Variants in RPS6KA5 observed in about 807,000 individuals in gnomAD.
RPS6KA5 encodes ribosomal protein S6 kinase alpha-5.
Under a neutral mutation model 85.5 loss-of-function variants are expected in RPS6KA5, and 27 were observed. The observed-to-expected ratio is 0.32, with a 90% CI of 0.23 to 0.44. The LOEUF is 0.44. Ranked by LOEUF, RPS6KA5 falls within the 20% of genes least tolerant of loss-of-function variation. The probability of loss-of-function intolerance (pLI) is 1.00; values close to 1 mark genes in which losing one functional copy is unlikely to be tolerated. For missense variants in RPS6KA5, 811 were observed against 980.9 expected (o/e 0.83, Z 2.31); for synonymous variants, 334 against 348.2 (o/e 0.96, Z 0.46).
intron 3 of RPS6KA5, among the ~76,000 whole-genome samples, chr14:90,977,509 G>A (rs2039618012): frequency 6.6e-6 from 1 of 152,204 alleles, no homozygotes; most frequent in East Asian, 1.9e-4. Flanking sequence ...AGGGCTGACT[G>A]ATTAGTAGCT....
Position 90,853,187 on chromosome 14 carries a change from T to C in RPS6KA5, c.*18887A>G, listed in dbSNP as rs1253820660. The C allele has an allele frequency of 6.6e-6, 1 of 152,188 alleles. No individual in the cohort carries two copies. The highest frequency in any genetic ancestry group is 1.5e-5 in the Non-Finnish European group (1 of 68,032). 9.4% of individuals were successfully genotyped at this position (152,188 alleles called of 1,614,324 possible). A position where few individuals can be genotyped will look rare whatever the true frequency, so the allele number is the denominator to read the frequency against. ...TACTTAATTTGCCCATTTCTCAACA[T>C]AGGCTTTGAAAAATTCCTCTAAATG... On this transcript the variant is annotated 3_prime_UTR_variant, in exon 17 of 17. Coordinates refer to ENST00000614987, the MANE Select transcript of RPS6KA5 (RefSeq NM_004755.4).
intron 3 of RPS6KA5, among the ~76,000 whole-genome samples, chr14:90,971,956 C>G (rs1335424032): frequency 6.6e-6 from 1 of 152,146 alleles, no homozygotes; most frequent in Non-Finnish European, 1.5e-5. Flanking sequence ...GGATATAGAA[C>G]TAATATATAA....
intron 12 of RPS6KA5, among the ~76,000 whole-genome samples, chr14:90,898,304 C>A (rs553830612): frequency 1.3e-5 from 2 of 152,242 alleles, no homozygotes; most frequent in South Asian, 4.1e-4. Context: ...AGAACCTAGA[C>A]CACACAAGAT....
chr14:90,954,091 T>C (rs1595321624), intron 3 of RPS6KA5, among the ~76,000 whole-genome samples: 1 of 152,218 alleles, frequency 6.6e-6, no homozygotes. Context: ...ATATGTGATG[T>C]CACCCCCAGA....
At chr14:90,926,124 G>A (rs1230999940) in intron 5 of RPS6KA5, among the ~76,000 whole-genome samples, 1 of 152,006 alleles carries the variant, frequency 6.6e-6, no homozygotes, top group Non-Finnish European at 1.5e-5. Flanking sequence ...TAGTAAAATT[G>A]CTGGGCATGG....
rs200183961 is a variant in RPS6KA5 at position 90,862,455 on chromosome 14, CCTTCTTCTT to C, written c.*9610_*9618del. On this transcript the variant is annotated 3_prime_UTR_variant, in exon 17 of 17. Transcript: ENST00000614987. ...TCTTCCTCCTCCTCCTCCTCCTCCT[CCTTCTTCTT>C]CTTCTTCTTCTTCTTTTTTTAATGC... 1,213 of 150,622 alleles carry C rather than the reference CCTTCTTCTT, an allele frequency of 8.1e-3. 10 individuals are homozygous for C. Among genetic ancestry groups the C allele is most frequent in the Middle Eastern group, 0.013 (5 of 372 alleles). 9.3% of individuals were successfully genotyped at this position (150,622 alleles called of 1,614,324 possible). A position where few individuals can be genotyped will look rare whatever the true frequency, so the allele number is the denominator to read the frequency against.
chr14:90,853,482 A>AT lies in RPS6KA5; in HGVS notation c.*18591dup, dbSNP rs2032111796. 6.8e-6 allele frequency: 1 copy of AT among 147,638 alleles called. No homozygotes were observed. Among genetic ancestry groups the AT allele is most frequent in the South Asian group, 2.1e-4 (1 of 4,806 alleles). 9.1% of individuals were successfully genotyped at this position (147,638 alleles called of 1,614,324 possible). A position where few individuals can be genotyped will look rare whatever the true frequency, so the allele number is the denominator to read the frequency against. ...AAGATGCATCCCTTAAGTAACAACA[A>AT]TAAAAAAAAAACCCAAAAACAAAAC... On this transcript the variant is annotated 3_prime_UTR_variant, in exon 17 of 17. Coordinates refer to ENST00000614987, the MANE Select transcript of RPS6KA5 (RefSeq NM_004755.4).
intron 2 of RPS6KA5, among the ~76,000 whole-genome samples, chr14:90,997,005 T>C (rs1283714631): frequency 3.9e-5 from 6 of 152,220 alleles, no homozygotes; most frequent in African/African-American, 7.2e-5. Flanking sequence ...AAATGGCAGA[T>C]GGCAAGAAAC....
At chr14:90,933,880 G>T (rs148651212) in intron 5 of RPS6KA5, among the ~76,000 whole-genome samples, 2,814 of 152,164 alleles carry the variant, frequency 0.018, 33 homozygotes, top group Non-Finnish European at 0.025. Context: ...CCACCTTAAA[G>T]GGCCTTAATA....
chr14:90,967,854 A>G (rs1197137096), intron 3 of RPS6KA5, among the ~76,000 whole-genome samples: 2 of 152,180 alleles, frequency 1.3e-5, no homozygotes, highest in East Asian at 3.8e-4. Flanking sequence ...CCCATTTTAA[A>G]ACACACTACC....
intron 3 of RPS6KA5, among the ~76,000 whole-genome samples, chr14:90,959,156 G>A (rs528751961): frequency 7.2e-5 from 11 of 152,250 alleles, no homozygotes; most frequent in African/African-American, 2.6e-4. Context: ...TTAGGGGGGT[G>A]GGGCAGATTG....
intron 4 of RPS6KA5, among the ~76,000 whole-genome samples, chr14:90,945,377 T>C (rs180932209): frequency 8.5e-5 from 13 of 152,360 alleles, no homozygotes; most frequent in Non-Finnish European, 1.6e-4. Flanking sequence ...TGGAGCATTA[T>C]ATGCATCTAA....
intron 1 of RPS6KA5, among the ~76,000 whole-genome samples, chr14:91,036,066 A>G (rs955193211): frequency 6.6e-6 from 1 of 150,960 alleles, no homozygotes; most frequent in Non-Finnish European, 1.5e-5. Flanking sequence ...AAGAAACAGA[A>G]AAGAGTACAC....
intron 4 of RPS6KA5, among the ~76,000 whole-genome samples, chr14:90,946,681 C>T (rs2037888491): frequency 6.6e-6 from 1 of 152,068 alleles, no homozygotes; most frequent in Non-Finnish European, 1.5e-5. Flanking sequence ...CTGAATTGTC[C>T]TAATTTAAAA....
chr14:90,973,443 C>T (rs1254672553), intron 3 of RPS6KA5, among the ~76,000 whole-genome samples: 2 of 148,404 alleles, frequency 1.3e-5, no homozygotes, highest in Non-Finnish European at 3.0e-5. Flanking sequence ...GACTCCATCT[C>T]GAAAAAAAAA....
intron 2 of RPS6KA5, among the ~76,000 whole-genome samples, chr14:90,983,095 A>G (rs1298868999): frequency 5.5e-5 from 8 of 145,328 alleles, no homozygotes; most frequent in Non-Finnish European, 1.0e-4. Context: ...CCTGGGCAAC[A>G]GAGCGAGATT....
chr14:91,049,820 T>C (rs1566908597), intron 1 of RPS6KA5, among the ~76,000 whole-genome samples: 2 of 152,216 alleles, frequency 1.3e-5, no homozygotes, highest in Admixed American at 1.3e-4. Context: ...ATATGGTATA[T>C]AGCCTATTGT....
intron 1 of RPS6KA5, among the ~76,000 whole-genome samples, chr14:91,059,629 C>A (rs1032224243): frequency 2.0e-5 from 3 of 152,188 alleles, no homozygotes; most frequent in Non-Finnish European, 4.4e-5. Flanking sequence ...AACATTAGAA[C>A]GTAAGCGCTG....
intron 14 of RPS6KA5, among the ~76,000 whole-genome samples, chr14:90,887,355 T>A (rs971317813): frequency 1.4e-5 from 2 of 137,932 alleles, no homozygotes; most frequent in South Asian, 2.2e-4. Flanking sequence ...TAATTAAAAT[T>A]TTTTTTTTTT....
Sources: gnomAD v4.1 joint callset for allele counts (sites outside exome capture counted in the v4.1 genomes callset) on GRCh38, gnomAD v4.1.1 for gene constraint, MANE v1.5 for transcripts, NCBI Gene and HGNC (gene_info 2026-07-23, HGNC 2026-07-21) for gene names.